RAB3C: variants seen among roughly 807,000 people sequenced by gnomAD.
RAB3C encodes the protein RAB3C, member RAS oncogene family.
A neutral mutation model predicts 26.4 loss-of-function variants in RAB3C; 17 were observed. The ratio of observed to expected loss-of-function variants is 0.64; its 90% CI spans 0.44 to 0.97. RAB3C has a LOEUF of 0.97. RAB3C is among the 50% of genes least tolerant of loss of function. The pLI is 0.00. For synonymous variants in RAB3C, 91 were observed against 95.9 expected, an observed-to-expected ratio of 0.95 and a Z score of 0.30; for missense variants, 242 against 281.9, an observed-to-expected ratio of 0.86 and a Z score of 1.01.
intron 3 of RAB3C, among the ~76,000 whole-genome samples, chr5:58,738,947 T>C (rs988792937): frequency 7.2e-5 from 11 of 152,218 alleles, no homozygotes; most frequent in Non-Finnish European, 1.2e-4. Flanking sequence ...GGACAATAAT[T>C]ACACCTGTCA....
At chr5:58,613,604 A>G (rs890235158) in intron 1 of RAB3C, among the ~76,000 whole-genome samples, 3 of 152,154 alleles carry the variant, frequency 2.0e-5, no homozygotes, top group African/African-American at 7.2e-5. Context: ...AAGTTGTCAA[A>G]TATAGAATGG....
chr5:58,719,011 A>G (rs190739133), intron 2 of RAB3C, among the ~76,000 whole-genome samples: 6 of 152,188 alleles, frequency 3.9e-5, no homozygotes, highest in African/African-American at 7.2e-5. Flanking sequence ...TGGGAGAAGT[A>G]TTAATGACAT....
chr5:58,817,275 A>T (rs1236718280), intron 3 of RAB3C, among the ~76,000 whole-genome samples: 2 of 152,240 alleles, frequency 1.3e-5, no homozygotes, highest in Admixed American at 1.3e-4. Context: ...ATTTGTAATA[A>T]GAATGTAGCA....
intron 3 of RAB3C, among the ~76,000 whole-genome samples, chr5:58,760,785 T>C (rs983642128): frequency 6.6e-6 from 1 of 152,168 alleles, no homozygotes; most frequent in Admixed American, 6.5e-5. Context: ...CATTTCTGCC[T>C]CCAAGGAACT....
At chr5:58,674,089 C>G (rs1454755404) in intron 2 of RAB3C, among the ~76,000 whole-genome samples, 1 of 151,942 alleles carries the variant, frequency 6.6e-6, no homozygotes, top group African/African-American at 2.4e-5. Flanking sequence ...TGGCATTTTT[C>G]AGAATAAAAT....
intron 3 of RAB3C, among the ~76,000 whole-genome samples, chr5:58,767,176 C>G (rs1171260012): frequency 6.6e-6 from 1 of 152,188 alleles, no homozygotes; most frequent in Non-Finnish European, 1.5e-5. Flanking sequence ...GGAGTCTTCA[C>G]AGTTTCTACA....
At chr5:58,633,448 A>T (rs1747227215) in intron 2 of RAB3C, among the ~76,000 whole-genome samples, 1 of 152,236 alleles carries the variant, frequency 6.6e-6, no homozygotes, top group South Asian at 2.1e-4. Context: ...CGTAACTCTA[A>T]CATAACTTGT....
intron 1 of RAB3C, among the ~76,000 whole-genome samples, chr5:58,586,749 G>T (rs1277268293): frequency 1.3e-5 from 2 of 152,068 alleles, no homozygotes; most frequent in Non-Finnish European, 2.9e-5. Flanking sequence ...AAAATGTTTG[G>T]CTAAAGATGA....
chr5:58,693,837 C>T (rs1000154118), intron 2 of RAB3C, among the ~76,000 whole-genome samples: 6 of 152,202 alleles, frequency 3.9e-5, no homozygotes, highest in Non-Finnish European at 7.3e-5. Context: ...GAATGAAAAG[C>T]CAGAGTCACA....
intron 2 of RAB3C, among the ~76,000 whole-genome samples, chr5:58,702,653 GCCTTCCT>G (rs1748870690): frequency 6.7e-6 from 1 of 150,250 alleles, no homozygotes; most frequent in Non-Finnish European, 1.5e-5. Context: ...TCCTTCTTCT[GCCTTCCT>G]CCTTCCTTTC....
chr5:58,794,362 AC>A (rs1480267173), intron 3 of RAB3C: 1 of 151,980 alleles, frequency 6.6e-6, no homozygotes, highest in Non-Finnish European at 1.5e-5. Flanking sequence ...AAAACAAAAC[AC>A]AGAAGCTTGT....
intron 4 of RAB3C, among the ~76,000 whole-genome samples, chr5:58,828,615 G>A (rs1437494267): frequency 1.3e-5 from 2 of 152,220 alleles, no homozygotes; most frequent in African/African-American, 4.8e-5. Flanking sequence ...CCTGCCAGCT[G>A]TGCATATTCA....
chr5:58,850,833 G>A (rs1391433001), intron 4 of RAB3C, among the ~76,000 whole-genome samples: 1 of 152,108 alleles, frequency 6.6e-6, no homozygotes, highest in Non-Finnish European at 1.5e-5. Context: ...TGGTATTGAG[G>A]ATTCTTACTG....
intron 2 of RAB3C, among the ~76,000 whole-genome samples, chr5:58,658,121 T>C (rs1328884616): frequency 6.6e-6 from 1 of 152,192 alleles, no homozygotes; most frequent in Non-Finnish European, 1.5e-5. Flanking sequence ...TCTATTATGT[T>C]GCAGGTATAG....
chr5:58,698,239 G>A (rs1363992722), intron 2 of RAB3C, among the ~76,000 whole-genome samples: 1 of 152,192 alleles, frequency 6.6e-6, no homozygotes, highest in Non-Finnish European at 1.5e-5. Context: ...CTTTAAGAAT[G>A]TTGAATATCG....
chr5:58,800,145 C>T (rs1261165985), intron 3 of RAB3C, among the ~76,000 whole-genome samples: 4 of 152,178 alleles, frequency 2.6e-5, no homozygotes, highest in African/African-American at 4.8e-5. Flanking sequence ...CCTTATGTTG[C>T]TACCTAATAC....
intron 2 of RAB3C, among the ~76,000 whole-genome samples, chr5:58,685,177 A>G (rs573091916): frequency 1.3e-5 from 2 of 152,292 alleles, no homozygotes; most frequent in East Asian, 3.9e-4. Context: ...TGTACTATCC[A>G]TGGTTTCAGG....
chr5:58,843,451 G>T (rs1484794376), intron 4 of RAB3C, among the ~76,000 whole-genome samples: 1 of 152,310 alleles, frequency 6.6e-6, no homozygotes, highest in East Asian at 1.9e-4. Context: ...GAAATGTTAA[G>T]AAGTTACAAG....
chr5:58,828,935 G>A (rs1273835230), intron 4 of RAB3C, among the ~76,000 whole-genome samples: 10 of 132,108 alleles, frequency 7.6e-5, no homozygotes, highest in African/African-American at 1.8e-4. Flanking sequence ...ATGGAGTCTC[G>A]TTCTGTCACC....
Sources: allele counts gnomAD v4.1 joint callset (sites outside exome capture counted in the v4.1 genomes callset), GRCh38; gene constraint gnomAD v4.1.1; transcripts MANE v1.5; gene names NCBI Gene and HGNC (gene_info 2026-07-23, HGNC 2026-07-21).